The following DIAPH3 variants were observed in gnomAD, a reference collection of about 807,000 sequenced individuals.
DIAPH3 encodes the protein diaphanous related formin 3.
A neutral mutation model predicts 144.3 loss-of-function variants in DIAPH3; 117 were observed. That is an observed-to-expected ratio of 0.81 (90% CI 0.70 to 0.95). The LOEUF is 0.95. Ranked by LOEUF, DIAPH3 falls within the 40% of genes least tolerant of loss-of-function variation. The pLI is 0.00. For missense variants in DIAPH3, 1,421 were observed against 1,412.7 expected, an observed-to-expected ratio of 1.01 and a Z score of -0.09; for synonymous variants, 519 against 488.9, an observed-to-expected ratio of 1.06 and a Z score of -0.81.
In DIAPH3 at chr13:59,833,292, T is replaced by G. The variant is rs751848995; in HGVS notation, c.2863-21A>C. ...AATCTGTATACTATAGTTAAGGTAT[T>G]CTGAAATTTACAAAGTAATGCTTTG... On this transcript the variant is annotated intron_variant, in intron 23 of 27. Coordinates refer to ENST00000400324, the MANE Select transcript of DIAPH3 (RefSeq NM_001042517.2). 7 of 1,590,548 alleles carry G rather than the reference T, an allele frequency of 4.4e-6. No homozygotes were observed. The South Asian group carries it at 7.9e-5, about 18-fold the overall frequency.
At chr13:59,836,322 G>A (rs118178314) in intron 23 of DIAPH3, among the ~76,000 whole-genome samples, 68 of 151,794 alleles carry the variant, frequency 4.5e-4, no homozygotes, top group East Asian at 4.1e-3. Context: ...TAGTAAGTAC[G>A]TACACCTCAC....
intron 1 of DIAPH3, among the ~76,000 whole-genome samples, chr13:60,152,185 CAATT>C (rs1951819057): frequency 6.6e-6 from 1 of 152,098 alleles, no homozygotes; most frequent in Non-Finnish European, 1.5e-5. Context: ...ATGGATCTCA[CAATT>C]AATCTACTCA....
At chr13:60,096,191 C>T (rs775794191) in intron 3 of DIAPH3, among the ~76,000 whole-genome samples, 2 of 152,150 alleles carry the variant, frequency 1.3e-5, no homozygotes, top group African/African-American at 4.8e-5. Context: ...TCTGAGAGCA[C>T]TGGAAAATTC....
intron 3 of DIAPH3, among the ~76,000 whole-genome samples, chr13:60,099,907 A>AGAAGAAAGGAAGGAAG (rs1158685607): frequency 2.9e-5 from 3 of 104,810 alleles, no homozygotes; most frequent in African/African-American, 1.1e-4. Context: ...AGAAAGTAAG[A>AGAAGAAAGGAAGGAAG]GAAGGAAGGA....
At chr13:59,800,716 G>A (rs140688105) in intron 25 of DIAPH3, among the ~76,000 whole-genome samples, 1 of 152,084 alleles carries the variant, frequency 6.6e-6, no homozygotes, top group Non-Finnish European at 1.5e-5. Flanking sequence ...CATGGAACGG[G>A]TCTCTGAAAG....
chr13:60,009,674 G>A (rs950098924), intron 8 of DIAPH3, among the ~76,000 whole-genome samples: 2 of 152,148 alleles, frequency 1.3e-5, no homozygotes, highest in African/African-American at 2.4e-5. Context: ...CACTTTGCGG[G>A]CAGACTGCCA....
intron 22 of DIAPH3, among the ~76,000 whole-genome samples, chr13:59,847,554 T>A (rs1040847934): frequency 1.3e-5 from 2 of 152,214 alleles, no homozygotes; most frequent in African/African-American, 4.8e-5. Flanking sequence ...GATTTCAGAA[T>A]TCCCTTAGAT....
rs556845548 is a variant in DIAPH3 at position 59,855,103 on chromosome 13, T to C, written c.2737+6304A>G. Among the ~76,000 whole-genome samples the C allele has an allele frequency of 2.9e-4, 44 of 152,328 alleles. No individual in the cohort carries two copies. In the South Asian group the frequency reaches 5.8e-3, roughly 20 times the overall value. On this transcript the variant is annotated intron_variant, in intron 22 of 27. Transcript: ENST00000400324. ...ACATTCTCTTTCTATTCCACTCTGC[T>C]GCTTTCCAACACAGTTTATATTTGC...
intron 4 of DIAPH3, among the ~76,000 whole-genome samples, chr13:60,069,559 T>TG (rs2141341247): frequency 6.6e-6 from 1 of 152,310 alleles, no homozygotes; most frequent in Non-Finnish European, 1.5e-5. Context: ...CCAGGTCCTA[T>TG]GTCCAAAATA....
chr13:60,003,524 T>C (rs1594295251), intron 9 of DIAPH3, among the ~76,000 whole-genome samples: 1 of 150,526 alleles, frequency 6.6e-6, no homozygotes, highest in Non-Finnish European at 1.5e-5. Flanking sequence ...TATACATATA[T>C]ATATAGATAT....
intron 9 of DIAPH3, among the ~76,000 whole-genome samples, chr13:60,006,617 T>A: frequency 6.8e-6 from 1 of 148,072 alleles, no homozygotes; most frequent in African/African-American, 2.5e-5. Flanking sequence ...ACATAAAAAA[T>A]AGAAAGGAAA....
intron 4 of DIAPH3, among the ~76,000 whole-genome samples, chr13:60,091,526 G>A (rs1048633688): frequency 1.3e-5 from 2 of 151,964 alleles, no homozygotes; most frequent in Non-Finnish European, 2.9e-5. Flanking sequence ...TCGAACTCCT[G>A]GGCTCAAGAG....
At chr13:59,998,625 A>G (rs968237206) in intron 9 of DIAPH3, among the ~76,000 whole-genome samples, 7 of 152,150 alleles carry the variant, frequency 4.6e-5, no homozygotes, top group African/African-American at 1.4e-4. Flanking sequence ...AATGATAACC[A>G]TTAGTTTATA....
chr13:60,040,226 CAAAAAAAAAAA>C (rs5803983), intron 5 of DIAPH3, among the ~76,000 whole-genome samples: 1 of 34,834 alleles, frequency 2.9e-5, no homozygotes, highest in East Asian at 1.1e-3. Context: ...GACTCCATCT[CAAAAAAAAAAA>C]AAAAAAAAAA....
chr13:60,148,351 A>G (rs546817673), intron 1 of DIAPH3, among the ~76,000 whole-genome samples: 1 of 152,368 alleles, frequency 6.6e-6, no homozygotes, highest in African/African-American at 2.4e-5. Context: ...TTAGCCACAT[A>G]TGGCTATTTA....
rs373593765 is a variant in DIAPH3 at position 59,860,799 on chromosome 13, A to C, written c.2737+608T>G. ...GAATTATTAAGGTAGTCAAAAAATT[A>C]TATTTAAATCATATTATAACCAAGT... is the stretch of plus-strand genomic sequence containing the variant. On this transcript the variant is annotated intron_variant, in intron 22 of 27. Transcript: ENST00000400324. Among the ~76,000 whole-genome samples, 20 of 152,240 alleles carry C rather than the reference A, an allele frequency of 1.3e-4. No individual in the cohort carries two copies. The East Asian group carries it at 2.1e-3, about 16-fold the overall frequency.
At chr13:59,745,112 T>C (rs2036638155) in intron 27 of DIAPH3, among the ~76,000 whole-genome samples, 1 of 152,152 alleles carries the variant, frequency 6.6e-6, no homozygotes, top group South Asian at 2.1e-4. Context: ...TTTAAAAACT[T>C]GGTTATTTGT....
intron 10 of DIAPH3, 70 bp from the exon 11 acceptor site, chr13:59,992,256 T>A: frequency 7.7e-7 from 1 of 1,291,406 alleles, no homozygotes; most frequent in Non-Finnish European, 1.1e-6. Flanking sequence ...AAAAAACATA[T>A]AAACAATAAA....
At chr13:59,785,774 T>C (rs973442778) in intron 25 of DIAPH3, among the ~76,000 whole-genome samples, 1 of 152,200 alleles carries the variant, frequency 6.6e-6, no homozygotes, top group Non-Finnish European at 1.5e-5. Flanking sequence ...GGCCGTGTGA[T>C]GCATTTCTGT....
Sources: gnomAD v4.1 joint callset for allele counts (sites outside exome capture counted in the v4.1 genomes callset) on GRCh38, gnomAD v4.1.1 for gene constraint, MANE v1.5 for transcripts, NCBI Gene and HGNC (gene_info 2026-07-23, HGNC 2026-07-21) for gene names.